Variants in SEMA6A observed in about 807,000 individuals in gnomAD.
SEMA6A encodes semaphorin 6A, also known as semaphorin-6A.
In SEMA6A, 25 loss-of-function variants were observed where a neutral mutation model predicts 96.8. That is an observed-to-expected ratio of 0.26 (90% confidence interval 0.19 to 0.36). The LOEUF is 0.36. Among genes scored for constraint, SEMA6A ranks in the 10% least tolerant of loss-of-function variants. The probability of loss-of-function intolerance (pLI) is 1.00; values close to 1 mark genes in which losing one functional copy is unlikely to be tolerated. For missense variants in SEMA6A, 1,363 were observed against 1,323.1 expected (o/e 1.03, Z -0.47); for synonymous variants, 612 against 518.0 (o/e 1.18, Z -2.46).
chr5:116,521,151 G>T (rs549664545), intron 1 of SEMA6A, among the ~76,000 whole-genome samples: 1 of 152,304 alleles, frequency 6.6e-6, no homozygotes, highest in Admixed American at 6.5e-5. Context: ...TAGGGATGGA[G>T]ACATCCAGCA....
rs1580437066 is a variant in SEMA6A at position 116,449,434 on chromosome 5, G to C, written c.1895-1623C>G. On this transcript the variant is annotated intron_variant, in intron 18 of 18. Transcript: ENST00000343348. ...CAGAATTAGAATGAAAGGAAATAAA[G>C]ATCTCTACCCCTTCCCAAGCCCACA... is the stretch of plus-strand genomic sequence containing the variant. The C allele has an allele frequency of 5.8e-6, 4 of 694,978 alleles. No homozygotes were observed. The South Asian group carries it at 6.0e-5, about 10-fold the overall frequency. 43.1% of individuals were successfully genotyped at this position (694,978 alleles called of 1,614,324 possible).
chr5:116,463,081 T>A (rs1013823012), intron 18 of SEMA6A, among the ~76,000 whole-genome samples: 1 of 152,130 alleles, frequency 6.6e-6, no homozygotes, highest in Non-Finnish European at 1.5e-5. Flanking sequence ...TCCAGCTAGA[T>A]CCAGTTGGAA....
intron 1 of SEMA6A, among the ~76,000 whole-genome samples, chr5:116,559,911 A>T (rs1760754807): frequency 6.6e-6 from 1 of 152,202 alleles, no homozygotes; most frequent in South Asian, 2.1e-4. Context: ...GGATCTGGTG[A>T]CATCATCCTC....
At chr5:116,567,378 C>G (rs770127747) in intron 1 of SEMA6A, among the ~76,000 whole-genome samples, 3 of 152,076 alleles carry the variant, frequency 2.0e-5, no homozygotes, top group Non-Finnish European at 4.4e-5. Context: ...ATTTCCTTTT[C>G]TACTATTTCC....
At chr5:116,477,056 A>T (rs1040137885) in intron 15 of SEMA6A, among the ~76,000 whole-genome samples, 1 of 152,200 alleles carries the variant, frequency 6.6e-6, no homozygotes, top group Non-Finnish European at 1.5e-5. Context: ...GGATCTGAGG[A>T]GGTTGAAGAA....
At chr5:116,569,804 G>A (rs1580529017) in intron 1 of SEMA6A, among the ~76,000 whole-genome samples, 1 of 152,110 alleles carries the variant, frequency 6.6e-6, no homozygotes, top group African/African-American at 2.4e-5. Flanking sequence ...TGATGGAGAA[G>A]ACTATGAGAA....
intron 1 of SEMA6A, among the ~76,000 whole-genome samples, chr5:116,548,038 A>G (rs934424336): frequency 1.3e-5 from 2 of 152,218 alleles, no homozygotes; most frequent in African/African-American, 4.8e-5. Context: ...TTACATTTAC[A>G]TCTGCAAACA....
chr5:116,550,873 C>CT (rs1760375526), intron 1 of SEMA6A, among the ~76,000 whole-genome samples: 1 of 152,188 alleles, frequency 6.6e-6, no homozygotes, highest in Non-Finnish European at 1.5e-5. Flanking sequence ...GATGCCCATA[C>CT]TTCAGCCCTG....
At chr5:116,482,153 CCT>C (rs1756810457) in intron 11 of SEMA6A, among the ~76,000 whole-genome samples, 1 of 152,170 alleles carries the variant, frequency 6.6e-6, no homozygotes, top group African/African-American at 2.4e-5. Context: ...ATACCCTTTA[CCT>C]CTCCAGGCCT....
In SEMA6A at chr5:116,446,690, G is replaced by A; in HGVS notation, c.3016C>T (p.Leu1006=). Residue 1006 remains leucine (L), a synonymous_variant, in exon 19 of 19, where the codon CTA becomes TTA. Transcript: ENST00000343348. ...GGTTTGGGGGGTACGTCCGGCTTTA[G>A]CGAGGGCGTACGCTTCAGCCCCGAC... is the stretch of plus-strand genomic sequence containing the variant. ...TRSGLKRTPS[L]KPDVPPKPSF... The A allele has an allele frequency of 2.5e-6, 4 of 1,575,480 alleles. 1 individual carries two copies. In the South Asian group the frequency reaches 4.7e-5, roughly 19 times the overall value.
Position 116,482,588 on chromosome 5 carries a change from A to G in SEMA6A, c.963-13T>C, listed in dbSNP as rs751532158. On this transcript the variant is annotated splice_polypyrimidine_tract_variant and intron_variant, in intron 10 of 18. Transcript: ENST00000343348. ...AGACCCAGGGATGCTACAACATGAT[A>G]TTTCACATCAAGTGTTACTCATGCA... is the stretch of plus-strand genomic sequence containing the variant. 6.2e-7 allele frequency: 1 copy of G among 1,612,990 alleles called. No individual in the cohort carries two copies. Among genetic ancestry groups the G allele is most frequent in the Admixed American group, 1.7e-5 (1 of 59,998 alleles).
At chr5:116,538,936 C>T (rs1023314222) in intron 1 of SEMA6A, among the ~76,000 whole-genome samples, 1 of 151,982 alleles carries the variant, frequency 6.6e-6, no homozygotes, top group Non-Finnish European at 1.5e-5. Flanking sequence ...TTGTTTGTTA[C>T]AAATATCCTT....
At chr5:116,521,806 C>G (rs1758962511) in intron 1 of SEMA6A, among the ~76,000 whole-genome samples, 1 of 151,534 alleles carries the variant, frequency 6.6e-6, no homozygotes, top group Admixed American at 6.6e-5. Context: ...ATTTTTGTTT[C>G]TGAGAAAAAC....
chr5:116,447,905 T>A, intron 18 of SEMA6A, 94 bp from the exon 19 acceptor site: 1 of 1,034,044 alleles, frequency 9.7e-7, no homozygotes, highest in Non-Finnish European at 1.4e-6. Flanking sequence ...ATAACAGTAG[T>A]AAGTGACAAC....
At chr5:116,569,912 A>G (rs1407976076) in intron 1 of SEMA6A, among the ~76,000 whole-genome samples, 1 of 152,194 alleles carries the variant, frequency 6.6e-6, no homozygotes, top group Non-Finnish European at 1.5e-5. Flanking sequence ...AGCATTGGTT[A>G]TTTGTGAGGT....
chr5:116,562,717 C>G (rs1398095927), intron 1 of SEMA6A: 1 of 733,526 alleles, frequency 1.4e-6, no homozygotes, highest in African/African-American at 1.7e-5. Context: ...AAGAAACCCT[C>G]TGCCGTGTGA....
At chr5:116,565,049 T>A (rs1042356752) in intron 1 of SEMA6A, among the ~76,000 whole-genome samples, 1 of 152,250 alleles carries the variant, frequency 6.6e-6, no homozygotes, top group African/African-American at 2.4e-5. Context: ...CCTCCACATT[T>A]GTGAATAGTC....
chr5:116,467,880 T>TTTGTGG, intron 17 of SEMA6A, 133 bp from the exon 18 acceptor site: 19 of 730,994 alleles, frequency 2.6e-5, no homozygotes, highest in Middle Eastern at 3.0e-4. Context: ...ATGACACGGC[T>TTTGTGG]TAGTGGTGGT....
intron 1 of SEMA6A, chr5:116,562,801 G>A (rs778396921): frequency 2.8e-6 from 2 of 725,464 alleles, no homozygotes; most frequent in Non-Finnish European, 5.2e-6. Context: ...CCCAGGATAT[G>A]GCTCAGAGGT....
Sources: allele counts gnomAD v4.1 joint callset (sites outside exome capture counted in the v4.1 genomes callset), GRCh38; gene constraint gnomAD v4.1.1; transcripts MANE v1.5; gene names NCBI Gene and HGNC (gene_info 2026-07-23, HGNC 2026-07-21).